The following KLHL29 variants were observed in gnomAD, a reference collection of about 807,000 sequenced individuals.
KLHL29 encodes the protein kelch like family member 29.
A neutral mutation model predicts 80.4 loss-of-function variants in KLHL29; 21 were observed. The ratio of observed to expected loss-of-function variants is 0.26; its 90% CI spans 0.19 to 0.38. The LOEUF (loss-of-function observed/expected upper bound fraction) is 0.38, where lower values mean the gene tolerates loss of function less well. KLHL29 is among the 10% of genes least tolerant of loss of function. The probability of loss-of-function intolerance (pLI) is 1.00; values close to 1 mark genes in which losing one functional copy is unlikely to be tolerated. For missense variants in KLHL29, 867 were observed against 1,223.9 expected, an observed-to-expected ratio of 0.71 and a Z score of 4.35; for synonymous variants, 511 against 526.8, an observed-to-expected ratio of 0.97 and a Z score of 0.41.
intron 1 of KLHL29, among the ~76,000 whole-genome samples, chr2:23,392,218 T>C (rs1666337649): frequency 6.6e-6 from 1 of 152,204 alleles, no homozygotes; most frequent in Admixed American, 6.5e-5. Context: ...CCTAGAGATC[T>C]CAGAAACTGT....
At chr2:23,431,187 G>A (rs1420652640) in intron 1 of KLHL29, among the ~76,000 whole-genome samples, 1 of 152,192 alleles carries the variant, frequency 6.6e-6, no homozygotes, top group Non-Finnish European at 1.5e-5. Context: ...GGAGTCCATG[G>A]CACCAACAGG....
chr2:23,581,026 C>T (rs1667967389), intron 3 of KLHL29, among the ~76,000 whole-genome samples: 1 of 151,944 alleles, frequency 6.6e-6, no homozygotes, highest in African/African-American at 2.4e-5. Flanking sequence ...AGTAAGTGCC[C>T]AATAAATGCT....
At chr2:23,417,400 G>A (rs751836886) in intron 1 of KLHL29, among the ~76,000 whole-genome samples, 4 of 152,160 alleles carry the variant, frequency 2.6e-5, no homozygotes, top group Admixed American at 6.5e-5. Flanking sequence ...GCCTGCAAGC[G>A]TTTACACTCA....
At chr2:23,482,954 C>T (rs1160733040) in intron 2 of KLHL29, among the ~76,000 whole-genome samples, 4 of 152,184 alleles carry the variant, frequency 2.6e-5, no homozygotes, top group Non-Finnish European at 5.9e-5. Context: ...CTGCAAGGAG[C>T]TCTCAGTCCG....
chr2:23,644,284 A>C (rs974896001), intron 5 of KLHL29: 2 of 151,766 alleles, frequency 1.3e-5, no homozygotes, highest in African/African-American at 4.8e-5. Flanking sequence ...AAAAAAAAAA[A>C]AGAAAGAAAG....
rs1249971993 is a variant in KLHL29 at position 23,669,906 on chromosome 2, A to T, written c.941-14493A>T. 6.6e-6 allele frequency among the ~76,000 whole-genome samples: 1 copy of T among 152,144 alleles called. No homozygotes were observed. Among genetic ancestry groups the T allele is most frequent in the Non-Finnish European group, 1.5e-5 (1 of 68,032 alleles). ...GGTAGGTTCTGCTTCCAAGAAAAAC[A>T]GACTGTCAAGTTAAATACATGTGGG... On this transcript the variant is annotated intron_variant, in intron 5 of 13. Transcript: ENST00000486442. The surrounding 1 kb of genome is among the most constrained non-coding windows in gnomAD (Gnocchi z 4.3).
chr2:23,603,668 G>A (rs1168261708), intron 3 of KLHL29, among the ~76,000 whole-genome samples: 5 of 152,342 alleles, frequency 3.3e-5, no homozygotes, highest in Middle Eastern at 3.4e-3. Context: ...CAGGAAAGCC[G>A]TAAACACTGT....
intron 1 of KLHL29, among the ~76,000 whole-genome samples, chr2:23,471,608 G>C (rs1360608445): frequency 6.6e-6 from 1 of 152,168 alleles, no homozygotes; most frequent in African/African-American, 2.4e-5. Context: ...CACAAGCAGT[G>C]ACTGACTACC....
chr2:23,527,568 T>C (rs1318423642), intron 2 of KLHL29, among the ~76,000 whole-genome samples: 2 of 152,176 alleles, frequency 1.3e-5, no homozygotes, highest in Non-Finnish European at 2.9e-5. Flanking sequence ...AGGCTGTTCA[T>C]CTCCGGGCAC....
chr2:23,467,729 A>G (rs1486654478), intron 1 of KLHL29, among the ~76,000 whole-genome samples: 1 of 152,168 alleles, frequency 6.6e-6, no homozygotes, highest in African/African-American at 2.4e-5. Context: ...ATTTTGGTTT[A>G]CCAATCGCTG....
intron 3 of KLHL29, among the ~76,000 whole-genome samples, chr2:23,574,732 G>A (rs1404477385): frequency 3.9e-5 from 6 of 152,198 alleles, no homozygotes; most frequent in Admixed American, 2.0e-4. Context: ...GGAAAAGAAA[G>A]AAAACTCAAA....
chr2:23,476,962 T>C (rs1021806208), intron 2 of KLHL29, among the ~76,000 whole-genome samples: 5 of 152,256 alleles, frequency 3.3e-5, no homozygotes, highest in Non-Finnish European at 7.3e-5. Context: ...TCACCACATT[T>C]CATGCTACTG....
chr2:23,683,890 G>GT (rs1196122158), intron 5 of KLHL29, among the ~76,000 whole-genome samples: 1 of 152,202 alleles, frequency 6.6e-6, no homozygotes, highest in Admixed American at 6.5e-5. Context: ...CGCCATGGCT[G>GT]TGAGTGTCTA....
At chr2:23,550,255 G>A (rs1034121171) in intron 2 of KLHL29, among the ~76,000 whole-genome samples, 12 of 152,108 alleles carry the variant, frequency 7.9e-5, no homozygotes, top group African/African-American at 1.4e-4. Context: ...CATGCCTGGG[G>A]AATTGCTTGA....
chr2:23,696,636 T>C lies in KLHL29; in HGVS notation c.2105+123T>C, dbSNP rs766881273. 32 of 741,030 alleles carry C rather than the reference T, an allele frequency of 4.3e-5. No individual in the cohort carries two copies. Among genetic ancestry groups the C allele is most frequent in the Non-Finnish European group, 6.7e-5 (31 of 463,130 alleles). 45.9% of individuals were successfully genotyped at this position (741,030 alleles called of 1,614,324 possible). The stretch of plus-strand genomic sequence containing the variant: ...TGGAGCAGAGCCTGGACCATTCATA[T>C]GGGCAGTCATCCCAGGCTCTTCAGT... On this transcript the variant is annotated intron_variant, in intron 11 of 13. Coordinates refer to ENST00000486442, the MANE Select transcript of KLHL29 (RefSeq NM_052920.2). This position sits in a 1 kb window ranked among gnomAD's most constrained non-coding sequence, Gnocchi z 5.5.
At chr2:23,392,990 CTT>C (rs930751959) in intron 1 of KLHL29, among the ~76,000 whole-genome samples, 7 of 152,174 alleles carry the variant, frequency 4.6e-5, no homozygotes, top group Admixed American at 2.0e-4. Flanking sequence ...ATGAGAAAAA[CTT>C]TTAGGTGTTT....
intron 1 of KLHL29, among the ~76,000 whole-genome samples, chr2:23,401,903 T>G (rs1158914597): frequency 1.3e-5 from 2 of 152,250 alleles, no homozygotes; most frequent in South Asian, 2.1e-4. Context: ...AGGTAACTGC[T>G]TCAGGGCTGC....
intron 1 of KLHL29, among the ~76,000 whole-genome samples, chr2:23,428,967 C>T (rs1241328597): frequency 9.9e-5 from 15 of 152,198 alleles, no homozygotes; most frequent in Non-Finnish European, 1.5e-5. Flanking sequence ...TCTGGGTTCT[C>T]ATCCTGATTC....
chr2:23,564,069 C>CCGACTGCT (rs1420039916), intron 3 of KLHL29, among the ~76,000 whole-genome samples: 1 of 152,246 alleles, frequency 6.6e-6, no homozygotes, highest in African/African-American at 2.4e-5. Flanking sequence ...GCCGCTGGAA[C>CCGACTGCT]CGACTGCTCG....
Sources: allele counts gnomAD v4.1 joint callset (sites outside exome capture counted in the v4.1 genomes callset), GRCh38; gene constraint gnomAD v4.1.1; non-coding constraint Gnocchi (gnomAD v3.1); transcripts MANE v1.5; gene names NCBI Gene and HGNC (gene_info 2026-07-23, HGNC 2026-07-21).